ARID3B: variants seen among roughly 807,000 people sequenced by gnomAD.
ARID3B encodes AT-rich interaction domain 3B.
A neutral mutation model predicts 51.9 loss-of-function variants in ARID3B; 10 were observed. The observed-to-expected ratio is 0.19, with a 90% confidence interval of 0.12 to 0.33. The LOEUF is 0.33. Ranked by LOEUF, ARID3B falls within the 10% of genes least tolerant of loss-of-function variation. ARID3B has a pLI of 1.00. For synonymous variants in ARID3B, 205 were observed against 279.5 expected, an observed-to-expected ratio of 0.73 and a Z score of 2.66; for missense variants, 483 against 716.3, an observed-to-expected ratio of 0.67 and a Z score of 3.72.
At chr15:74,589,021 C>CTTTTT (rs900091332) in intron 4 of ARID3B, among the ~76,000 whole-genome samples, 6 of 87,810 alleles carry the variant, frequency 6.8e-5, no homozygotes, top group African/African-American at 1.5e-4. Flanking sequence ...CAAGCACACT[C>CTTTTT]TTTTTTTTTT....
intron 2 of ARID3B, among the ~76,000 whole-genome samples, chr15:74,569,392 A>G (rs6495114): frequency 1 from 152,079 of 152,082 alleles, 76,038 homozygotes; most frequent in Non-Finnish European, 1. Flanking sequence ...TCCCTGACCA[A>G]CCTGGCCAAC....
chr15:74,572,962 TA>T lies in ARID3B; in HGVS notation c.624+30del, dbSNP rs763543983. ...TGTAATACTTCCTTTGTGATACAGA[TA>T]GGGGCAGTTCTGCAGTGGCTTGTTA... On this transcript the variant is annotated intron_variant, in intron 3 of 8. Coordinates refer to ENST00000346246, the MANE Select transcript of ARID3B (RefSeq NM_006465.4). The T allele has an allele frequency of 2.7e-4, 440 of 1,611,626 alleles. 1 individual carries two copies. Among genetic ancestry groups the T allele is most frequent in the Non-Finnish European group, 3.3e-4 (393 of 1,177,790 alleles).
chr15:74,563,496 A>C (rs900368133), intron 2 of ARID3B, among the ~76,000 whole-genome samples: 1 of 151,918 alleles, frequency 6.6e-6, no homozygotes, highest in Admixed American at 6.6e-5. Flanking sequence ...GTTTGGGGGG[A>C]AAAAAAAGTT....
chr15:74,593,073 CAG>C (rs2061809665), intron 7 of ARID3B, 63 bp from the exon 8 acceptor site: 3 of 1,466,604 alleles, frequency 2.0e-6, no homozygotes, highest in East Asian at 2.3e-5. Flanking sequence ...CAGGCAGCAT[CAG>C]AGAGGACAAC....
At position 74,544,352 on chromosome 15, in the gene ARID3B, A is replaced by G. The variant is rs751355323; in HGVS notation, c.416A>G (p.Asn139Ser). The change falls in exon 2 of 9, where the codon AAT becomes AGT. Residue 139 changes from asparagine (N) to serine (S), a missense_variant. Around this residue, in one of 3 missense-constraint regions of ARID3B, gnomAD observed 182 missense variants for 244.5 expected, o/e 0.74. Transcript: ENST00000346246. ...RQDPRVAPMS[N>S]LLPAPGLPPH... The stretch of plus-strand genomic sequence containing the variant: ...GATCCCAGAGTGGCACCCATGTCCA[A>G]TCTACTTCCAGCACCAGGGCTCCCA... The G allele has an allele frequency of 7.4e-6, 12 of 1,612,550 alleles. No homozygotes were observed. Among genetic ancestry groups the G allele is most frequent in the African/African-American group, 2.7e-5 (2 of 74,944 alleles).
chr15:74,549,296 C>G (rs1355521822), intron 2 of ARID3B, among the ~76,000 whole-genome samples: 1 of 152,030 alleles, frequency 6.6e-6, no homozygotes, highest in Non-Finnish European at 1.5e-5. Context: ...AGGATGGTCT[C>G]GATCTCCTGA....
At chr15:74,560,393 A>C (rs539205689) in intron 2 of ARID3B, among the ~76,000 whole-genome samples, 2 of 152,244 alleles carry the variant, frequency 1.3e-5, no homozygotes, top group African/African-American at 4.8e-5. Flanking sequence ...GTAATTGTTA[A>C]CAGTTTGGTC....
chr15:74,542,879 G>A (rs901807526), intron 1 of ARID3B, among the ~76,000 whole-genome samples: 6 of 152,172 alleles, frequency 3.9e-5, no homozygotes, highest in African/African-American at 1.2e-4. Context: ...GGGTGTGAAA[G>A]TGATGTGTGT....
intron 2 of ARID3B, among the ~76,000 whole-genome samples, chr15:74,561,499 C>G (rs1375837334): frequency 6.6e-6 from 1 of 152,090 alleles, no homozygotes; most frequent in African/African-American, 2.4e-5. Context: ...GAGTCATAGA[C>G]CAGAATTACA....
chr15:74,553,834 A>ATT (rs1170283468), intron 2 of ARID3B, among the ~76,000 whole-genome samples: 1 of 135,666 alleles, frequency 7.4e-6, no homozygotes, highest in Admixed American at 8.1e-5. Context: ...TTTATTTATT[A>ATT]TTTTTTGAGA....
At chr15:74,583,374 G>A (rs1396209036) in intron 4 of ARID3B, among the ~76,000 whole-genome samples, 2 of 152,100 alleles carry the variant, frequency 1.3e-5, no homozygotes, top group Admixed American at 1.3e-4. Context: ...TGGAGGGATG[G>A]ATATTGATTG....
intron 4 of ARID3B, among the ~76,000 whole-genome samples, chr15:74,576,491 CA>C (rs1461695043): frequency 6.6e-6 from 1 of 151,846 alleles, no homozygotes; most frequent in Non-Finnish European, 1.5e-5. Flanking sequence ...CTTCTCTCTA[CA>C]AAAAATGAAA....
intron 2 of ARID3B, among the ~76,000 whole-genome samples, chr15:74,558,167 C>G (rs1219485349): frequency 3.6e-5 from 5 of 140,364 alleles, no homozygotes; most frequent in Admixed American, 2.2e-4. Flanking sequence ...CTCCTTCAAT[C>G]TGGTTTGTGT....
chr15:74,565,742 T>TG (rs1157530099), intron 2 of ARID3B, among the ~76,000 whole-genome samples: 3 of 151,960 alleles, frequency 2.0e-5, no homozygotes, highest in Non-Finnish European at 4.4e-5. Flanking sequence ...TTGTTTTTTT[T>TG]TTTTTTAATC....
intron 5 of ARID3B, 35 bp downstream of exon 5, chr15:74,590,038 G>C (rs765770567): frequency 6.4e-7 from 1 of 1,557,022 alleles, no homozygotes; most frequent in Non-Finnish European, 8.7e-7. Flanking sequence ...GGAAGCTGAG[G>C]CTGGAGAAAG....
intron 4 of ARID3B, among the ~76,000 whole-genome samples, chr15:74,584,131 A>G (rs557300302): frequency 7.9e-5 from 12 of 152,170 alleles, no homozygotes; most frequent in African/African-American, 2.9e-4. Context: ...GGTACGATTG[A>G]TCCTGTCGCC....
At position 74,597,682 on chromosome 15, in the gene ARID3B, T is replaced by C; in HGVS notation, c.*1908T>C. ...CAGACATTTGGCCAGTATGTCTTTC[T>C]CAGGGGTTTGGTCACAAAGGATGGA... On this transcript the variant is annotated 3_prime_UTR_variant, in exon 9 of 9. Coordinates refer to ENST00000346246, the MANE Select transcript of ARID3B (RefSeq NM_006465.4). 5.8e-6 allele frequency: 3 copies of C among 519,144 alleles called. No individual in the cohort carries two copies. The highest frequency in any genetic ancestry group is 5.4e-4 in the Middle Eastern group (1 of 1,860). 32.2% of individuals were successfully genotyped at this position (519,144 alleles called of 1,614,324 possible).
At chr15:74,544,591 C>T in intron 2 of ARID3B, 103 bp downstream of exon 2, 1 of 1,225,610 alleles carries the variant, frequency 8.2e-7, no homozygotes, top group Non-Finnish European at 1.1e-6. Flanking sequence ...CCTTCTCACC[C>T]CACTTCGGTG....
At chr15:74,550,409 C>A (rs1228913224) in intron 2 of ARID3B, among the ~76,000 whole-genome samples, 1 of 152,044 alleles carries the variant, frequency 6.6e-6, no homozygotes, top group Non-Finnish European at 1.5e-5. Context: ...GACCCTACTT[C>A]CCGCCAGGCG....
Sources: allele counts gnomAD v4.1 joint callset (sites outside exome capture counted in the v4.1 genomes callset), GRCh38; gene constraint gnomAD v4.1.1; regional missense constraint gnomAD v4.1.1; transcripts MANE v1.5; gene names NCBI Gene and HGNC (gene_info 2026-07-23, HGNC 2026-07-21).